The following STOX1 variants were observed in gnomAD, a reference collection of about 807,000 sequenced individuals.
STOX1 encodes the protein storkhead box 1.
STOX1 carries 57 observed loss-of-function variants against 74.8 expected under a neutral mutation model. That is an observed-to-expected ratio of 0.76 (90% CI 0.62 to 0.95). The LOEUF is 0.95. STOX1 is among the 40% of genes least tolerant of loss of function. STOX1 has a pLI of 0.00. For synonymous variants in STOX1, 375 were observed against 401.3 expected (o/e 0.93, Z 0.78); for missense variants, 1,010 against 1,117.0 (o/e 0.90, Z 1.37).
rs866905181 is a variant in STOX1, at chr10:68,827,701, G to A, written c.78G>A (p.Gly26=). ...GGCTGGAGGCGCAGAAGGCGGCGGGGGCCGCGGAGGAGCCTGGTGGGCGCG... is the reference window on the plus strand; with the variant it reads ...GGCTGGAGGCGCAGAAGGCGGCGGGAGCCGCGGAGGAGCCTGGTGGGCGCG... ...LCRLEAQKAA[G]AAEEPGGRAV... Residue 26 remains glycine, a synonymous_variant, in exon 1 of 4, where the codon GGG becomes GGA. Coordinates refer to ENST00000298596, the MANE Select transcript of STOX1 (RefSeq NM_152709.5). The A allele has an allele frequency of 6.5e-6, 6 of 929,656 alleles. No homozygotes were observed. The African/African-American group carries it at 9.0e-5, about 14-fold the overall frequency. The allele number at this position is 929,656 out of a possible 1,614,324, so 57.6% of individuals were successfully genotyped here.
At chr10:68,849,564 C>A (rs1007080126) in intron 1 of STOX1, among the ~76,000 whole-genome samples, 4 of 152,102 alleles carry the variant, frequency 2.6e-5, no homozygotes, top group Non-Finnish European at 5.9e-5. Flanking sequence ...GAGCCCTCAA[C>A]CAGGGGAGGT....
rs575930007 is a variant in STOX1, at chr10:68,833,692, A to C, written c.310+5759A>C. 2.6e-5 allele frequency among the ~76,000 whole-genome samples: 4 copies of C among 152,316 alleles called. No homozygotes were observed. The South Asian group carries it at 8.3e-4, about 32-fold the overall frequency. On this transcript the variant is annotated intron_variant, in intron 1 of 3. Coordinates refer to ENST00000298596, the MANE Select transcript of STOX1 (RefSeq NM_152709.5). ...TAGGTCGGGGTGGTCTTTAACTACC[A>C]GGCTTAGGTCAGGCAGGCCCAGGAC...
chr10:68,872,022 C>T (rs1227792251), intron 1 of STOX1, among the ~76,000 whole-genome samples: 1 of 152,020 alleles, frequency 6.6e-6, no homozygotes, highest in African/African-American at 2.4e-5. Context: ...TTAAATTAAA[C>T]TTGAGTGTAC....
chr10:68,882,536 C>T (rs981133514), intron 2 of STOX1, among the ~76,000 whole-genome samples: 5 of 147,858 alleles, frequency 3.4e-5, no homozygotes, highest in African/African-American at 1.3e-4. Context: ...CTTGCTCTGT[C>T]ACCCAGGCTA....
At chr10:68,834,886 G>A (rs1160663212) in intron 1 of STOX1, among the ~76,000 whole-genome samples, 2 of 151,968 alleles carry the variant, frequency 1.3e-5, no homozygotes, top group African/African-American at 2.4e-5. Context: ...CTCCACACCC[G>A]GATAATTTTG....
chr10:68,837,450 C>G (rs1487810891), intron 1 of STOX1, among the ~76,000 whole-genome samples: 1 of 152,206 alleles, frequency 6.6e-6, no homozygotes, highest in Admixed American at 6.5e-5. Context: ...CCTGAGTACT[C>G]TACTCATGCA....
chr10:68,854,699 G>T (rs2133545516), intron 1 of STOX1, among the ~76,000 whole-genome samples: 1 of 152,190 alleles, frequency 6.6e-6, no homozygotes, highest in African/African-American at 2.4e-5. Context: ...TCAAAGACTT[G>T]AACCACCTCT....
At chr10:68,828,376 G>A in intron 1 of STOX1, 1 of 883,832 alleles carries the variant, frequency 1.1e-6, no homozygotes, top group South Asian at 5.5e-5. Context: ...GAGGCTAGGC[G>A]CTGCTCTGAG....
chr10:68,870,363 A>G (rs760480152), intron 1 of STOX1, among the ~76,000 whole-genome samples: 29 of 152,076 alleles, frequency 1.9e-4, no homozygotes, highest in Admixed American at 6.6e-5. Context: ...CTGCATGACT[A>G]CTTTTAGGGA....
intron 1 of STOX1, among the ~76,000 whole-genome samples, chr10:68,839,877 A>G (rs1363522765): frequency 6.6e-6 from 1 of 150,880 alleles, no homozygotes; most frequent in East Asian, 1.9e-4. Flanking sequence ...TCCGTTTCAA[A>G]CAAAACAAAA....
At chr10:68,869,571 G>C (rs999139776) in intron 1 of STOX1, among the ~76,000 whole-genome samples, 1 of 152,064 alleles carries the variant, frequency 6.6e-6, no homozygotes, top group Admixed American at 6.6e-5. Context: ...GGGGATACAG[G>C]GACAAAGGGA....
chr10:68,833,550 CAG>C (rs1392480562), intron 1 of STOX1, among the ~76,000 whole-genome samples: 2 of 152,162 alleles, frequency 1.3e-5, no homozygotes, highest in South Asian at 4.1e-4. Context: ...ATTGAACAAG[CAG>C]GGGGTACGTG....
At chr10:68,890,649 C>CTT (rs11366165) in intron 3 of STOX1, among the ~76,000 whole-genome samples, 35 of 117,344 alleles carry the variant, frequency 3.0e-4, no homozygotes, top group Non-Finnish European at 4.1e-4. Flanking sequence ...AAGACCTTTT[C>CTT]TTTTTTTTTT....
chr10:68,843,534 G>C (rs1210138597), intron 1 of STOX1, among the ~76,000 whole-genome samples: 7 of 151,814 alleles, frequency 4.6e-5, no homozygotes, highest in Admixed American at 2.6e-4. Context: ...TTTTGTTACC[G>C]GTTTTTTTGT....
In STOX1 at chr10:68,881,810, T is replaced by C. The variant is rs1290274480; in HGVS notation, c.311-148T>C. ...CTTGCATAGTTTCTGTCATTGTACA[T>C]GTCATGTTAACAGATTCTGAGTAAA... On this transcript the variant is annotated intron_variant, in intron 1 of 3. Coordinates refer to ENST00000298596, the MANE Select transcript of STOX1 (RefSeq NM_152709.5). 5.7e-6 allele frequency: 5 copies of C among 873,710 alleles called. No individual in the cohort carries two copies. The South Asian group carries it at 5.9e-5, about 10-fold the overall frequency. The allele number at this position is 873,710 out of a possible 1,614,324, so 54.1% of individuals were successfully genotyped here.
rs369179364 is a variant in STOX1, at chr10:68,886,136, C to G, written c.2340C>G (p.Thr780=). The G allele has an allele frequency of 6.2e-7, 1 of 1,614,106 alleles. No individual in the cohort carries two copies. The highest frequency in any genetic ancestry group is 8.5e-7 in the Non-Finnish European group (1 of 1,180,016). ...GKQKVIERSL[T]EYNSTMERVE... ...AAAAAGTGATTGAGAGATCTCTGAC[C>G]GAGTACAACAGCACAATGGAGAGGG... Residue 780 remains threonine (T), a synonymous_variant, in exon 3 of 4, where the codon ACC becomes ACG. Coordinates refer to ENST00000298596, the MANE Select transcript of STOX1 (RefSeq NM_152709.5).
chr10:68,849,088 C>T (rs1053168913), intron 1 of STOX1, among the ~76,000 whole-genome samples: 6 of 152,188 alleles, frequency 3.9e-5, no homozygotes, highest in South Asian at 2.1e-4. Context: ...GCATATCCTT[C>T]GGCCATCTTG....
intron 1 of STOX1, among the ~76,000 whole-genome samples, chr10:68,880,526 T>G (rs1840791416): frequency 6.6e-6 from 1 of 152,150 alleles, no homozygotes; most frequent in South Asian, 2.1e-4. Context: ...ATCCAATGGC[T>G]TTTCTCCTTC....
chr10:68,876,076 T>G (rs1045775871), intron 1 of STOX1, among the ~76,000 whole-genome samples: 1 of 151,014 alleles, frequency 6.6e-6, no homozygotes, highest in Non-Finnish European at 1.5e-5. Flanking sequence ...CTTTTTTTTT[T>G]TGTGGCGGTG....
Sources: allele counts gnomAD v4.1 joint callset (sites outside exome capture counted in the v4.1 genomes callset), GRCh38; gene constraint gnomAD v4.1.1; transcripts MANE v1.5; gene names NCBI Gene and HGNC (gene_info 2026-07-23, HGNC 2026-07-21).